TANK: variants seen among roughly 807,000 people sequenced by gnomAD.
The protein encoded by TANK is TRAF family member associated NFKB activator.
A neutral mutation model predicts 43.6 loss-of-function variants in TANK; 15 were observed. The ratio of observed to expected loss-of-function variants is 0.34; its 90% CI spans 0.23 to 0.53. The LOEUF is 0.53. Ranked by LOEUF, TANK falls within the 20% of genes least tolerant of loss-of-function variation. The probability of loss-of-function intolerance (pLI) is 0.94; values close to 1 mark genes in which losing one functional copy is unlikely to be tolerated. For synonymous variants in TANK, 162 were observed against 178.2 expected, an observed-to-expected ratio of 0.91 and a Z score of 0.73; for missense variants, 417 against 498.6, an observed-to-expected ratio of 0.84 and a Z score of 1.56.
chr2:161,154,100 T>C (rs10204178), intron 1 of TANK, among the ~76,000 whole-genome samples: 1 of 152,084 alleles, frequency 6.6e-6, no homozygotes, highest in Non-Finnish European at 1.5e-5. Context: ...ATTTCAAGCA[T>C]AATGCATGTC....
intron 7 of TANK, chr2:161,233,010 C>A (rs1687996733): frequency 1.4e-6 from 1 of 730,786 alleles, no homozygotes; most frequent in Non-Finnish European, 2.1e-6. Flanking sequence ...TTAAAAAAAA[C>A]CTTTTAAGCT....
chr2:161,203,795 T>C (rs1275601651), intron 3 of TANK, among the ~76,000 whole-genome samples, 200 bp downstream of exon 3: 1 of 152,058 alleles, frequency 6.6e-6, no homozygotes, highest in South Asian at 2.1e-4. Flanking sequence ...CTATACTATA[T>C]GGTAGAACTC....
At chr2:161,141,905 C>T (rs1451889282) in intron 1 of TANK, among the ~76,000 whole-genome samples, 2 of 152,190 alleles carry the variant, frequency 1.3e-5, no homozygotes, top group Non-Finnish European at 2.9e-5. Context: ...GGAATTGCCA[C>T]ACTGTCTTCC....
chr2:161,140,445 T>G (rs992293497), intron 1 of TANK, among the ~76,000 whole-genome samples: 1 of 152,126 alleles, frequency 6.6e-6, no homozygotes, highest in Non-Finnish European at 1.5e-5. Flanking sequence ...TGGATAACCC[T>G]TTTTCATGAT....
intron 2 of TANK, among the ~76,000 whole-genome samples, chr2:161,183,929 G>A (rs1326089049): frequency 6.6e-6 from 1 of 152,024 alleles, no homozygotes; most frequent in Non-Finnish European, 1.5e-5. Context: ...TTACTATAGT[G>A]TATTTTGTAC....
intron 6 of TANK, among the ~76,000 whole-genome samples, chr2:161,225,280 T>G (rs138639510): frequency 8.1e-4 from 123 of 152,100 alleles, no homozygotes; most frequent in African/African-American, 2.8e-3. Context: ...CAGACTGGAG[T>G]GCAGTGGCTA....
intron 1 of TANK, among the ~76,000 whole-genome samples, chr2:161,172,355 C>CA (rs1684984308): frequency 1.1e-5 from 1 of 89,270 alleles, no homozygotes; most frequent in Admixed American, 1.0e-4. Flanking sequence ...TTTTTTTCGG[C>CA]TTTTTTTTTT....
chr2:161,158,170 C>T (rs1243183349), upstream of TANK, among the ~76,000 whole-genome samples: 2 of 152,232 alleles, frequency 1.3e-5, no homozygotes, highest in African/African-American at 2.4e-5. Flanking sequence ...GTGAGCACCA[C>T]ACCTGGTCAG....
At chr2:161,203,622 T>C (rs1189647404) in intron 3 of TANK, 27 bp downstream of exon 3, 1 of 1,454,510 alleles carries the variant, frequency 6.9e-7, no homozygotes, top group Non-Finnish European at 9.5e-7. Flanking sequence ...TTTTTATGTA[T>C]TTCTAGAACC....
At chr2:161,147,024 G>C (rs895590545) in intron 1 of TANK, among the ~76,000 whole-genome samples, 2 of 152,146 alleles carry the variant, frequency 1.3e-5, no homozygotes, top group African/African-American at 4.8e-5. Flanking sequence ...CCTGGCTGGA[G>C]TTGTTGGAGT....
intron 4 of TANK, 107 bp from the exon 5 acceptor site, chr2:161,223,808 C>T (rs1687471432): frequency 1.5e-5 from 10 of 658,922 alleles, no homozygotes; most frequent in East Asian, 5.3e-5. Flanking sequence ...AGTTATTTTT[C>T]AGTAGGGAAG....
intron 1 of TANK, among the ~76,000 whole-genome samples, chr2:161,175,285 T>C (rs1263697753): frequency 6.6e-6 from 1 of 152,190 alleles, no homozygotes; most frequent in Non-Finnish European, 1.5e-5. Context: ...TGCAGCTGAC[T>C]CTAATGAACA....
intron 2 of TANK, among the ~76,000 whole-genome samples, chr2:161,194,331 G>C (rs1229564355): frequency 6.6e-6 from 1 of 151,850 alleles, no homozygotes; most frequent in Non-Finnish European, 1.5e-5. Context: ...GCCCCCTCTT[G>C]ATTAAAAGAG....
rs142596674 is a variant in TANK, at chr2:161,154,089, A to C, written c.-50+17026A>C. ...AAAAACATTCAAATATGTATCTTGAAATTTCAAGCATAATGCATGTCATAA... is the reference window on the plus strand; with the variant it reads ...AAAAACATTCAAATATGTATCTTGACATTTCAAGCATAATGCATGTCATAA... On this transcript the variant is annotated intron_variant, in intron 1 of 7. Coordinates refer to the TANK transcript ENST00000259075. Among the ~76,000 whole-genome samples, 60 of 152,298 alleles carry C rather than the reference A, an allele frequency of 3.9e-4. 1 individual carries two copies. Among genetic ancestry groups the C allele is most frequent in the African/African-American group, 1.4e-3 (60 of 41,554 alleles).
intron 1 of TANK, among the ~76,000 whole-genome samples, chr2:161,177,905 C>T (rs926391760): frequency 6.6e-6 from 1 of 152,038 alleles, no homozygotes; most frequent in Non-Finnish European, 1.5e-5. Flanking sequence ...ACACAGATGG[C>T]CAATAAGCTC....
chr2:161,197,764 T>C (rs1228797473), intron 2 of TANK, among the ~76,000 whole-genome samples: 1 of 152,152 alleles, frequency 6.6e-6, no homozygotes, highest in Non-Finnish European at 1.5e-5. Flanking sequence ...CTTAATCTTA[T>C]TCATGTGGGA....
intron 2 of TANK, among the ~76,000 whole-genome samples, chr2:161,196,462 T>C (rs760094241): frequency 2.6e-5 from 4 of 152,220 alleles, no homozygotes; most frequent in Non-Finnish European, 5.9e-5. Context: ...CGATGTGGCA[T>C]AGTGGTTAGT....
chr2:161,160,217 C>G (rs936980575), upstream of TANK: 36 of 380,920 alleles, frequency 9.5e-5, no homozygotes, highest in Admixed American at 3.4e-4. Context: ...CCGCTGCTGA[C>G]GCTTTTTTTT....
chr2:161,160,597 G>A, intron 1 of TANK, 111 bp downstream of exon 1: 1 of 914,782 alleles, frequency 1.1e-6, no homozygotes, highest in Non-Finnish European at 1.5e-6. Context: ...GCCGCAGGGA[G>A]AGAAGCCGAG....
Sources: allele counts gnomAD v4.1 joint callset (sites outside exome capture counted in the v4.1 genomes callset), GRCh38; gene constraint gnomAD v4.1.1; transcripts MANE v1.5; gene names NCBI Gene and HGNC (gene_info 2026-07-23, HGNC 2026-07-21).